Variants in FBXO42 observed in about 807,000 individuals in gnomAD.
FBXO42 encodes F-box only protein 42.
FBXO42 carries 12 observed loss-of-function variants against 71.7 expected under a neutral mutation model. The ratio of observed to expected loss-of-function variants is 0.17; its 90% confidence interval spans 0.11 to 0.27. The LOEUF (loss-of-function observed/expected upper bound fraction) is 0.27, where lower values mean the gene tolerates loss of function less well. Among genes scored for constraint, FBXO42 ranks in the 10% least tolerant of loss-of-function variants. FBXO42 has a pLI of 1.00. For missense variants in FBXO42, 707 were observed against 911.9 expected (o/e 0.78, Z 2.89); for synonymous variants, 325 against 327.5 (o/e 0.99, Z 0.08).
rs1287752671 is a variant in FBXO42 at position 16,296,662 on chromosome 1, A to C, written c.368-1745T>G. 5.3e-5 allele frequency among the ~76,000 whole-genome samples: 8 copies of C among 149,916 alleles called. 1 individual carries two copies. Among genetic ancestry groups the C allele is most frequent in the Admixed American group, 2.6e-4 (4 of 15,182 alleles). ...AAGACTCCATCTCAAAAAAAAAAAA[A>C]AAAAAACAAAAACAAAAAACACCAA... On this transcript the variant is annotated intron_variant, in intron 3 of 9. Transcript: ENST00000375592.
chr1:16,314,442 C>T (rs1442833336), intron 2 of FBXO42, among the ~76,000 whole-genome samples: 1 of 152,110 alleles, frequency 6.6e-6, no homozygotes, highest in Non-Finnish European at 1.5e-5. Flanking sequence ...ATTTACTATC[C>T]GTGTAAATAA....
chr1:16,322,332 C>G (rs2100590744), intron 1 of FBXO42, among the ~76,000 whole-genome samples: 1 of 152,098 alleles, frequency 6.6e-6, no homozygotes, highest in East Asian at 1.9e-4. Context: ...AATCCCAGCA[C>G]TTTGGGAGGC....
At chr1:16,348,871 TATTA>T (rs1271998771) in intron 1 of FBXO42, among the ~76,000 whole-genome samples, 5 of 152,218 alleles carry the variant, frequency 3.3e-5, no homozygotes, top group Middle Eastern at 3.2e-3. Context: ...ATATTTACTG[TATTA>T]ATTGTCATCA....
intron 2 of FBXO42, among the ~76,000 whole-genome samples, chr1:16,314,802 T>A (rs988716739): frequency 6.6e-6 from 1 of 151,178 alleles, no homozygotes; most frequent in Non-Finnish European, 1.5e-5. Context: ...GTGAATAACA[T>A]GACCCCGGGA....
intron 1 of FBXO42, among the ~76,000 whole-genome samples, chr1:16,333,057 A>C (rs2082515127): frequency 6.6e-6 from 1 of 152,048 alleles, no homozygotes; most frequent in Non-Finnish European, 1.5e-5. Flanking sequence ...CCGTACTCCT[A>C]CTTGCCAGTA....
intron 4 of FBXO42, among the ~76,000 whole-genome samples, chr1:16,262,300 G>A (rs2081723385): frequency 6.6e-6 from 1 of 152,204 alleles, no homozygotes; most frequent in Non-Finnish European, 1.5e-5. Flanking sequence ...TTGGACTACA[G>A]GAGTATACCA....
chr1:16,350,573 C>CAAAAAAAA (rs60358251), intron 1 of FBXO42, among the ~76,000 whole-genome samples: 4 of 66,782 alleles, frequency 6.0e-5, no homozygotes, highest in East Asian at 4.1e-4. Flanking sequence ...ACTAAAATTA[C>CAAAAAAAA]AAAAAAAAAA....
intron 4 of FBXO42, among the ~76,000 whole-genome samples, chr1:16,284,119 T>C (rs1168115698): frequency 1.3e-5 from 2 of 152,180 alleles, no homozygotes; most frequent in Admixed American, 6.5e-5. Context: ...GTCATACAAA[T>C]CTGATTAAGA....
intron 5 of FBXO42, 120 bp downstream of exon 5, chr1:16,256,486 G>T: frequency 9.2e-7 from 1 of 1,081,672 alleles, no homozygotes. Context: ...TCCCCTCCTG[G>T]GAAAAGAGTC....
chr1:16,272,337 G>A (rs1390669675), intron 4 of FBXO42, among the ~76,000 whole-genome samples: 7 of 151,276 alleles, frequency 4.6e-5, no homozygotes, highest in African/African-American at 4.9e-5. Flanking sequence ...TTGGCTCACC[G>A]CAACTCCCGC....
intron 4 of FBXO42, among the ~76,000 whole-genome samples, chr1:16,269,788 G>A (rs542307322): frequency 1.3e-5 from 2 of 152,052 alleles, no homozygotes; most frequent in African/African-American, 4.8e-5. Flanking sequence ...GCCTCCCAAA[G>A]TGCTGGTATT....
chr1:16,338,879 C>T (rs1351498304), intron 1 of FBXO42, among the ~76,000 whole-genome samples: 5 of 140,202 alleles, frequency 3.6e-5, no homozygotes, highest in South Asian at 2.2e-4. Context: ...GGCACAATCG[C>T]GGCTCACTGC....
chr1:16,331,799 C>T (rs1053103113), intron 1 of FBXO42, among the ~76,000 whole-genome samples: 4 of 151,950 alleles, frequency 2.6e-5, no homozygotes, highest in African/African-American at 9.7e-5. Flanking sequence ...GCCTGTAATC[C>T]CAGCACTTTG....
At chr1:16,298,433 G>A (rs936408319) in intron 3 of FBXO42, among the ~76,000 whole-genome samples, 2 of 152,126 alleles carry the variant, frequency 1.3e-5, no homozygotes, top group African/African-American at 2.4e-5. Flanking sequence ...CTGGTACCAG[G>A]TTGGCTCAGT....
At chr1:16,267,402 G>T (rs920997249) in intron 4 of FBXO42, among the ~76,000 whole-genome samples, 2 of 152,110 alleles carry the variant, frequency 1.3e-5, no homozygotes, top group Non-Finnish European at 2.9e-5. Context: ...CTAATCAGGG[G>T]TGTTGAAATT....
intron 1 of FBXO42, among the ~76,000 whole-genome samples, chr1:16,344,450 C>T (rs1382510108): frequency 6.7e-6 from 1 of 148,966 alleles, no homozygotes; most frequent in Non-Finnish European, 1.5e-5. Flanking sequence ...TCCCAAGTAG[C>T]TGAGATTACA....
intron 4 of FBXO42, among the ~76,000 whole-genome samples, chr1:16,266,984 A>C (rs1338574637): frequency 6.6e-6 from 1 of 152,200 alleles, no homozygotes; most frequent in African/African-American, 2.4e-5. Flanking sequence ...AATACTTCGT[A>C]AGGGCAACAA....
In FBXO42 at chr1:16,270,690, A is replaced by G. The variant is rs770535315; in HGVS notation, c.503-13931T>C. On this transcript the variant is annotated intron_variant, in intron 4 of 9. Transcript: ENST00000375592. The stretch of plus-strand genomic sequence containing the variant: ...TCTGTCTCTCAAAAAAAAAAAAAAA[A>G]AAAAAAGAAAAGAAAAGAAAGAAGA... Among the ~76,000 whole-genome samples, 110 of 31,666 alleles carry G rather than the reference A, an allele frequency of 3.5e-3. 13 individuals are homozygous for G. Among genetic ancestry groups the G allele is most frequent in the Non-Finnish European group, 5.0e-3 (88 of 17,746 alleles). The allele number at this position is 31,666 out of a possible 152,430, so 20.8% of individuals were successfully genotyped here.
intron 1 of FBXO42, among the ~76,000 whole-genome samples, chr1:16,338,794 T>C (rs1435622490): frequency 6.8e-6 from 1 of 148,122 alleles, no homozygotes; most frequent in African/African-American, 2.5e-5. Context: ...AACATTTTAT[T>C]TCCATTTGTC....
Sources: allele counts gnomAD v4.1 joint callset (sites outside exome capture counted in the v4.1 genomes callset), GRCh38; gene constraint gnomAD v4.1.1; transcripts MANE v1.5; gene names NCBI Gene and HGNC (gene_info 2026-07-23, HGNC 2026-07-21).